Variants in GRIK4 observed in about 807,000 individuals in gnomAD.
The protein encoded by GRIK4 is glutamate ionotropic receptor kainate type subunit 4.
A neutral mutation model predicts 104.9 loss-of-function variants in GRIK4; 40 were observed. The ratio of observed to expected loss-of-function variants is 0.38; its 90% confidence interval spans 0.30 to 0.50. GRIK4 has a LOEUF of 0.50. Among genes scored for constraint, GRIK4 ranks in the 20% least tolerant of loss-of-function variants. GRIK4 has a pLI of 0.93. For synonymous variants in GRIK4, 485 were observed against 524.9 expected, an observed-to-expected ratio of 0.92 and a Z score of 1.04; for missense variants, 1,047 against 1,308.1, an observed-to-expected ratio of 0.80 and a Z score of 3.08.
chr11:120,563,535 C>T (rs752781283), intron 1 of GRIK4, among the ~76,000 whole-genome samples: 2 of 152,078 alleles, frequency 1.3e-5, no homozygotes, highest in Non-Finnish European at 2.9e-5. Flanking sequence ...AGCTTTTGAA[C>T]TCGTTTTTTT....
At chr11:120,635,805 A>G (rs1949390009) in intron 1 of GRIK4, among the ~76,000 whole-genome samples, 1 of 152,226 alleles carries the variant, frequency 6.6e-6, no homozygotes, top group Admixed American at 6.5e-5. Flanking sequence ...TCACAAAATT[A>G]TATCAATCAT....
chr11:120,717,527 C>T (rs552395429), intron 3 of GRIK4, among the ~76,000 whole-genome samples: 1 of 151,826 alleles, frequency 6.6e-6, no homozygotes, highest in South Asian at 2.1e-4. Flanking sequence ...AAAGACACCG[C>T]AGGGCCAGGA....
intron 13 of GRIK4, among the ~76,000 whole-genome samples, chr11:120,932,949 G>C (rs1272675515): frequency 6.6e-6 from 1 of 152,232 alleles, no homozygotes; most frequent in Non-Finnish European, 1.5e-5. Context: ...ATCTGAAAGA[G>C]GATTCAGAGG....
intron 1 of GRIK4, among the ~76,000 whole-genome samples, chr11:120,518,558 C>T (rs992069062): frequency 6.6e-5 from 10 of 152,194 alleles, no homozygotes; most frequent in South Asian, 4.2e-4. Context: ...AGCAGTGTAA[C>T]GGGAGTGGCA....
rs550560486 is a variant in GRIK4 at position 120,590,512 on chromosome 11, G to A, written c.-158-63173G>A. Among the ~76,000 whole-genome samples the A allele has an allele frequency of 4.4e-4, 67 of 152,360 alleles. 1 individual carries two copies. The highest frequency in any genetic ancestry group is 3.9e-3 in the South Asian group (19 of 4,828). On this transcript the variant is annotated intron_variant, in intron 1 of 20. Coordinates refer to ENST00000527524, the MANE Select transcript of GRIK4 (RefSeq NM_014619.5). ...CATCCAGGTGCACCCGGCTGCTGGCGTAGCATTGTGATTATTGCTGTATTT... is the reference window on the plus strand; with the variant it reads ...CATCCAGGTGCACCCGGCTGCTGGCATAGCATTGTGATTATTGCTGTATTT...
chr11:120,564,227 T>C (rs1192384320), intron 1 of GRIK4, among the ~76,000 whole-genome samples: 1 of 152,240 alleles, frequency 6.6e-6, no homozygotes, highest in Non-Finnish European at 1.5e-5. Flanking sequence ...ACCAGGCAGC[T>C]GAATCCAGCC....
At chr11:120,544,108 G>A (rs1414538140) in intron 1 of GRIK4, among the ~76,000 whole-genome samples, 1 of 152,248 alleles carries the variant, frequency 6.6e-6, no homozygotes, top group Non-Finnish European at 1.5e-5. Flanking sequence ...AATTTGCAGA[G>A]AGGATGGATC....
chr11:120,643,062 A>T (rs1169143502), intron 1 of GRIK4, among the ~76,000 whole-genome samples: 1 of 152,170 alleles, frequency 6.6e-6, no homozygotes, highest in African/African-American at 2.4e-5. Flanking sequence ...CCCACTATGT[A>T]TGGCAGGCAT....
At chr11:120,693,395 T>TGTCAG (rs1467891560) in intron 3 of GRIK4, among the ~76,000 whole-genome samples, 2 of 152,164 alleles carry the variant, frequency 1.3e-5, no homozygotes, top group Admixed American at 1.3e-4. Flanking sequence ...ATGACCACCG[T>TGTCAG]GCCAGGCTGG....
At chr11:120,904,261 A>G (rs1005134567) in intron 12 of GRIK4, among the ~76,000 whole-genome samples, 3 of 152,238 alleles carry the variant, frequency 2.0e-5, no homozygotes, top group African/African-American at 4.8e-5. Flanking sequence ...AGCACCTCAG[A>G]TTCAACCTGT....
At chr11:120,697,654 C>G (rs116534827) in intron 3 of GRIK4, among the ~76,000 whole-genome samples, 12,753 of 152,210 alleles carry the variant, frequency 0.084, 604 homozygotes, top group South Asian at 0.12. Flanking sequence ...CAGTGGATGG[C>G]CAGAGGAAAG....
intron 1 of GRIK4, among the ~76,000 whole-genome samples, chr11:120,560,561 C>T (rs369672051): frequency 6.6e-6 from 1 of 152,138 alleles, no homozygotes. Context: ...ATATACAAGT[C>T]TGGGAAGAAA....
At chr11:120,938,554 C>T (rs1247908010) in intron 13 of GRIK4, among the ~76,000 whole-genome samples, 1 of 152,160 alleles carries the variant, frequency 6.6e-6, no homozygotes, top group Non-Finnish European at 1.5e-5. Flanking sequence ...ATGGATTTAT[C>T]CTTCCTGTAC....
chr11:120,553,900 A>C (rs570632500), intron 1 of GRIK4, among the ~76,000 whole-genome samples: 16 of 152,280 alleles, frequency 1.1e-4, no homozygotes, highest in African/African-American at 3.6e-4. Context: ...GGGAAGGTTC[A>C]AGTCACAGTG....
chr11:120,516,707 C>T lies in GRIK4; in HGVS notation c.-159+4820C>T, dbSNP rs377464046. ...TGACATTTTCAAGAACAGCAGAGCGCGCTGACAGATTGGATGCAGCAGATG... is the reference window on the plus strand; with the variant it reads ...TGACATTTTCAAGAACAGCAGAGCGTGCTGACAGATTGGATGCAGCAGATG... On this transcript the variant is annotated intron_variant, in intron 1 of 20. Transcript: ENST00000527524. Among the ~76,000 whole-genome samples, 26 of 152,204 alleles carry T rather than the reference C, an allele frequency of 1.7e-4. 1 individual carries two copies. The highest frequency in any genetic ancestry group is 6.0e-4 in the African/African-American group (25 of 41,528).
intron 1 of GRIK4, among the ~76,000 whole-genome samples, chr11:120,514,343 C>T (rs1947698026): frequency 6.6e-6 from 1 of 152,196 alleles, no homozygotes; most frequent in South Asian, 2.1e-4. Flanking sequence ...TCGCTCCTTA[C>T]AGACAGCCTT....
At chr11:120,803,423 G>T (rs558850475) in intron 4 of GRIK4, among the ~76,000 whole-genome samples, 48 of 152,220 alleles carry the variant, frequency 3.2e-4, no homozygotes, top group African/African-American at 1.1e-3. Flanking sequence ...TTGTTAGGTT[G>T]TTGTGAGGTG....
At chr11:120,918,935 A>T (rs1251891663) in intron 13 of GRIK4, among the ~76,000 whole-genome samples, 2 of 152,180 alleles carry the variant, frequency 1.3e-5, no homozygotes, top group Non-Finnish European at 2.9e-5. Flanking sequence ...TTACGTGATA[A>T]ATATTATTAT....
intron 20 of GRIK4, among the ~76,000 whole-genome samples, chr11:120,982,948 C>T (rs1944676533): frequency 6.6e-6 from 1 of 152,194 alleles, no homozygotes; most frequent in African/African-American, 2.4e-5. Flanking sequence ...TCTTTCCTGT[C>T]TCCTTGTAGG....
Sources: gnomAD v4.1 joint callset for allele counts (sites outside exome capture counted in the v4.1 genomes callset) on GRCh38, gnomAD v4.1.1 for gene constraint, MANE v1.5 for transcripts, NCBI Gene and HGNC (gene_info 2026-07-23, HGNC 2026-07-21) for gene names.